Variants in PROM1 observed in about 807,000 individuals in gnomAD.
PROM1 encodes prominin-1.
Under a neutral mutation model 116.9 loss-of-function variants are expected in PROM1, and 105 were observed. That is an observed-to-expected ratio of 0.90 (90% CI 0.77 to 1.06). The LOEUF is 1.06. PROM1 is among the 50% of genes least tolerant of loss of function. The pLI is 0.00. For synonymous variants in PROM1, 393 were observed against 387.0 expected (o/e 1.02, Z -0.18); for missense variants, 1,122 against 1,045.2 (o/e 1.07, Z -1.01).
In PROM1 at chr4:16,018,529, T is replaced by C. The variant is rs376746162; in HGVS notation, c.796A>G (p.Thr266Ala). 5 of 1,607,352 alleles carry C rather than the reference T, an allele frequency of 3.1e-6. No individual in the cohort carries two copies. Among genetic ancestry groups the C allele is most frequent in the Admixed American group, 1.7e-5 (1 of 59,226 alleles). Residue 266 changes from threonine to alanine, a missense_variant, in exon 9 of 28, where the codon ACC becomes GCC. Transcript: ENST00000447510. Reference sequence around the variant, plus strand: ...TTCATGTTCTCCAACGCCTCTTTGGTCTCCTTGATCGCTATGGAAACACAG... The same window carrying C: ...TTCATGTTCTCCAACGCCTCTTTGGCCTCCTTGATCGCTATGGAAACACAG... ...IKSMATAIKE[T>A]KEALENMNST...
At chr4:16,038,398 T>G (rs990571858) in intron 3 of PROM1, among the ~76,000 whole-genome samples, 1 of 152,152 alleles carries the variant, frequency 6.6e-6, no homozygotes, top group Non-Finnish European at 1.5e-5. Flanking sequence ...TAGTTTTTAT[T>G]TATTTATTTG....
intron 24 of PROM1, 179 bp downstream of exon 24, chr4:15,980,243 A>G: frequency 1.5e-6 from 1 of 657,740 alleles, no homozygotes; most frequent in Non-Finnish European, 2.7e-6. Flanking sequence ...TAAAACAAGT[A>G]TAGAAAAATC....
rs150845800 is a variant in PROM1 at position 15,993,418 on chromosome 4, G to A, written c.1767+569C>T. Among the ~76,000 whole-genome samples the A allele has an allele frequency of 5.8e-3, 886 of 152,284 alleles. 11 individuals carry two copies. The highest frequency in any genetic ancestry group is 0.02 in the African/African-American group (850 of 41,542). ...CTCTTTCTTCAGGCCAGTGTGCCCTGGAATGGTCTTTCCTCCAAATCTTAA... is the reference window on the plus strand; with the variant it reads ...CTCTTTCTTCAGGCCAGTGTGCCCTAGAATGGTCTTTCCTCCAAATCTTAA... On this transcript the variant is annotated intron_variant, in intron 16 of 27. Transcript: ENST00000447510.
chr4:16,035,727 G>A lies in PROM1; in HGVS notation c.303+8C>T, dbSNP rs748077482. The A allele has an allele frequency of 1.2e-6, 2 of 1,611,782 alleles. No individual in the cohort carries two copies. Among genetic ancestry groups the A allele is most frequent in the South Asian group, 1.1e-5 (1 of 91,044 alleles). ...AGAGCAACTTGAAATAGCAGACAAG[G>A]ACTTTACCTTTAGACCTAAGATTAC... On this transcript the variant is annotated splice_region_variant and intron_variant, in intron 4 of 27. Coordinates refer to ENST00000447510, the MANE Select transcript of PROM1 (RefSeq NM_006017.3).
intron 2 of PROM1, among the ~76,000 whole-genome samples, chr4:16,060,511 C>T (rs562121959): frequency 1.3e-5 from 2 of 151,938 alleles, no homozygotes; most frequent in Non-Finnish European, 2.9e-5. Context: ...GATGGGGTTT[C>T]GCCATGTTGC....
chr4:16,037,890 C>T (rs972917103), intron 3 of PROM1: 2 of 152,202 alleles, frequency 1.3e-5, no homozygotes, highest in African/African-American at 4.8e-5. Context: ...CAGAAAAATG[C>T]AAGGAGCCTT....
chr4:16,024,240 G>T, intron 7 of PROM1, 55 bp downstream of exon 7: 1 of 1,452,380 alleles, frequency 6.9e-7, no homozygotes, highest in Non-Finnish European at 9.6e-7. Flanking sequence ...ATGTTTTATG[G>T]GAGATGAGTC....
chr4:16,073,693 G>A (rs1374045615), intron 2 of PROM1, among the ~76,000 whole-genome samples: 1 of 152,100 alleles, frequency 6.6e-6, no homozygotes, highest in Non-Finnish European at 1.5e-5. Context: ...ATTGATGAAG[G>A]TCAAGAGACA....
Position 16,000,610 on chromosome 4 carries a change from T to C in PROM1, c.1464A>G (p.Gly488=), listed in dbSNP as rs1309912594. 7 of 1,564,586 alleles carry C rather than the reference T, an allele frequency of 4.5e-6. No homozygotes were observed. Among genetic ancestry groups the C allele is most frequent in the Non-Finnish European group, 6.1e-6 (7 of 1,146,656 alleles). ...ATATCCAGCAAAAGAGGAAACTTAA[T>C]CCAACTCCACTGGAAAAAAATATAA... ...TGGVFLMVGV[G]LSFLFCWILM... Residue 488 remains glycine (G), a synonymous_variant, in exon 14 of 28, where the codon GGA becomes GGG. Transcript: ENST00000447510.
intron 26 of PROM1, among the ~76,000 whole-genome samples, chr4:15,976,035 A>G (rs1304524074): frequency 6.6e-6 from 1 of 152,242 alleles, no homozygotes; most frequent in Non-Finnish European, 1.5e-5. Flanking sequence ...ACATTAGTAT[A>G]TCCCTAGCCC....
chr4:15,999,627 GGA>G (rs1723237228), intron 14 of PROM1, among the ~76,000 whole-genome samples: 1 of 152,266 alleles, frequency 6.6e-6, no homozygotes, highest in African/African-American at 2.4e-5. Flanking sequence ...ACACTCTACA[GGA>G]GATAATGATG....
chr4:15,973,848 C>T (rs752654779), intron 26 of PROM1, among the ~76,000 whole-genome samples: 1 of 152,120 alleles, frequency 6.6e-6, no homozygotes, highest in Non-Finnish European at 1.5e-5. Context: ...ATGGCCTACA[C>T]GTCCCTGAGT....
chr4:16,039,743 C>A (rs1374004674), intron 2 of PROM1, among the ~76,000 whole-genome samples: 1 of 151,720 alleles, frequency 6.6e-6, no homozygotes, highest in Admixed American at 6.6e-5. Context: ...TAACCCAACT[C>A]GAGTTCTTAA....
At chr4:16,023,303 G>C (rs757190196) in intron 8 of PROM1, 23 bp downstream of exon 8, 1 of 1,542,176 alleles carries the variant, frequency 6.5e-7, no homozygotes, top group East Asian at 2.3e-5. Flanking sequence ...AACTTTCTTT[G>C]GTCATTTTTG....
At chr4:16,041,399 TA>T (rs1735192954) in intron 2 of PROM1, among the ~76,000 whole-genome samples, 1 of 152,184 alleles carries the variant, frequency 6.6e-6, no homozygotes, top group African/African-American at 2.4e-5. Flanking sequence ...CATCAAAGTA[TA>T]ATGTGCAAAA....
At chr4:16,029,811 T>C (rs1297728899) in intron 5 of PROM1, among the ~76,000 whole-genome samples, 1 of 152,212 alleles carries the variant, frequency 6.6e-6, no homozygotes, top group Non-Finnish European at 1.5e-5. Context: ...TCTGAAAGAA[T>C]TTTTTAAAAA....
chr4:16,009,071 G>T lies in PROM1; in HGVS notation c.1179C>A (p.Ile393=). The T allele has an allele frequency of 1.9e-6, 3 of 1,612,270 alleles. No individual in the cohort carries two copies. The highest frequency in any genetic ancestry group is 2.5e-6 in the Non-Finnish European group (3 of 1,178,630). ...TAGGAAGACGCTGAGTTACATTGTC[G>T]ATATCTGAACCAATGGAATTCAAGA... is the stretch of plus-strand genomic sequence containing the variant. ...KRVLNSIGSD[I]DNVTQRLPIQ... is the part of the protein sequence containing the mutation. Residue 393 remains isoleucine, a synonymous_variant, in exon 12 of 28, where the codon ATC becomes ATA. Coordinates refer to ENST00000447510, the MANE Select transcript of PROM1 (RefSeq NM_006017.3).
intron 10 of PROM1, among the ~76,000 whole-genome samples, chr4:16,015,363 A>C (rs1352220670): frequency 6.7e-6 from 1 of 149,652 alleles, no homozygotes; most frequent in East Asian, 2.0e-4. Flanking sequence ...AAAAAAAAAA[A>C]AAAGAAGAAG....
At chr4:16,002,498 C>G (rs1301641111) in intron 13 of PROM1, among the ~76,000 whole-genome samples, 3 of 152,086 alleles carry the variant, frequency 2.0e-5, no homozygotes, top group Non-Finnish European at 4.4e-5. Context: ...CCACAGCATC[C>G]CCTCCTAAGG....
Sources: allele counts gnomAD v4.1 joint callset (sites outside exome capture counted in the v4.1 genomes callset), GRCh38; gene constraint gnomAD v4.1.1; transcripts MANE v1.5; gene names NCBI Gene and HGNC (gene_info 2026-07-23, HGNC 2026-07-21).